The following TMEM171 variants were observed in gnomAD, a reference collection of about 807,000 sequenced individuals.
TMEM171 encodes proline-rich protein PRP2.
In TMEM171, 16 loss-of-function variants were observed where a neutral mutation model predicts 19.1. The ratio of observed to expected loss-of-function variants is 0.84; its 90% CI spans 0.57 to 1.27. The LOEUF is 1.27. Among genes scored for constraint, TMEM171 ranks in the 50% most tolerant of loss-of-function variants. The pLI, the probability that TMEM171 is intolerant of heterozygous loss-of-function variation, is 0.00. For missense variants in TMEM171, 429 were observed against 412.7 expected (o/e 1.04, Z -0.34); for synonymous variants, 153 against 163.4 (o/e 0.94, Z 0.48).
chr5:73,123,469 G>T lies in TMEM171; in HGVS notation c.96G>T (p.Leu32Phe), dbSNP rs753711238. ...IFCFFVFGAV[L>F]LCVGVLLSIF... Reference sequence around the variant, plus strand: ...GCTTCTTTGTCTTCGGCGCCGTCTTGTTGTGTGTGGGAGTCCTGCTCTCCA... The same window carrying T: ...GCTTCTTTGTCTTCGGCGCCGTCTTTTTGTGTGTGGGAGTCCTGCTCTCCA... The change falls in exon 2 of 4, where the codon TTG becomes TTT. Residue 32 changes from leucine (L) to phenylalanine (F), a missense_variant. Transcript: ENST00000454765. The T allele has an allele frequency of 6.2e-7, 1 of 1,613,190 alleles. No individual in the cohort carries two copies. The highest frequency in any genetic ancestry group is 8.5e-7 in the Non-Finnish European group (1 of 1,179,190).
At position 73,123,968 on chromosome 5, in the gene TMEM171, G is replaced by C; in HGVS notation, c.595G>C (p.Glu199Gln). 6.3e-7 allele frequency: 1 copy of C among 1,598,760 alleles called. No individual in the cohort carries two copies. The highest frequency in any genetic ancestry group is 8.5e-7 in the Non-Finnish European group (1 of 1,173,740). The change falls in exon 2 of 4, where the codon GAA becomes CAA. Residue 199 changes from glutamate to glutamine, a missense_variant. Transcript: ENST00000454765. ...TGCTGGCCAGGATGCCTCTGAGAGA[G>C]AAGAGGGACAGATCCAGATTATGGA... Reference protein sequence around the residue: ...LNAGQDASEREEGQIQIMEPV... With the variant: ...LNAGQDASERQEGQIQIMEPV...
intron 2 of TMEM171, among the ~76,000 whole-genome samples, chr5:73,127,384 A>ATATATATATATATATATATATATAT (rs1554078607): frequency 2.0e-4 from 16 of 81,672 alleles, no homozygotes; most frequent in African/African-American, 5.9e-4. Flanking sequence ...AAAAAAAAAA[A>ATATATATATATATATATATATATAT]ATATATATAT....
At position 73,125,661 on chromosome 5, in the gene TMEM171, G is replaced by A. The variant is rs145176780; in HGVS notation, c.640+1648G>A. ...GTACAAGTAAATATGTTCATCCAAC[G>A]CTGCTATGCTTTCATCTAGTTGGGA... On this transcript the variant is annotated intron_variant, in intron 2 of 3. Coordinates refer to ENST00000454765, the MANE Select transcript of TMEM171 (RefSeq NM_173490.8). Among the ~76,000 whole-genome samples the A allele has an allele frequency of 1.2e-3, 180 of 152,308 alleles. 1 individual carries two copies. Among genetic ancestry groups the A allele is most frequent in the African/African-American group, 3.9e-3 (162 of 41,566 alleles).
intron 3 of TMEM171, 36 bp from the exon 4 acceptor site, chr5:73,131,502 T>C: frequency 6.6e-7 from 1 of 1,515,384 alleles, no homozygotes. Context: ...ACTGTTTTCA[T>C]CCCCTCCCCT....
At chr5:73,128,328 T>G in intron 2 of TMEM171, 62 bp from the exon 3 acceptor site, 2 of 1,581,570 alleles carry the variant, frequency 1.3e-6, no homozygotes, top group Non-Finnish European at 1.7e-6. Flanking sequence ...TTAATTTTGC[T>G]TTTGCTAATT....
chr5:73,129,631 T>C (rs13182742), intron 3 of TMEM171, among the ~76,000 whole-genome samples: 28,344 of 151,990 alleles, frequency 0.19, 3,185 homozygotes, highest in South Asian at 0.28. Flanking sequence ...AGACTCTATC[T>C]CAGGGGGAAA....
chr5:73,121,464 G>A (rs1353494972), intron 1 of TMEM171, among the ~76,000 whole-genome samples: 1 of 152,160 alleles, frequency 6.6e-6, no homozygotes, highest in Non-Finnish European at 1.5e-5. Flanking sequence ...TCCACTGAGA[G>A]TTTTGGAATG....
At chr5:73,127,384 A>AAAAAATATATATATATATATAT in intron 2 of TMEM171, among the ~76,000 whole-genome samples, 19 of 81,662 alleles carry the variant, frequency 2.3e-4, no homozygotes, top group East Asian at 6.9e-4. Flanking sequence ...AAAAAAAAAA[A>AAAAAATATATATATATATATAT]ATATATATAT....
chr5:73,131,059 G>C (rs1172433793), intron 3 of TMEM171, among the ~76,000 whole-genome samples: 1 of 152,236 alleles, frequency 6.6e-6, no homozygotes, highest in Non-Finnish European at 1.5e-5. Flanking sequence ...GGAAGCAGCA[G>C]AGTAGATTCC....
chr5:73,131,475 A>T, intron 3 of TMEM171, 63 bp from the exon 4 acceptor site: 1 of 1,320,126 alleles, frequency 7.6e-7, no homozygotes, highest in Non-Finnish European at 1.0e-6. Flanking sequence ...AAAAGAACCT[A>T]GTACTAAAGG....
intron 1 of TMEM171, 43 bp from the exon 2 acceptor site, chr5:73,123,263 A>G: frequency 6.7e-7 from 1 of 1,497,934 alleles, no homozygotes; most frequent in Middle Eastern, 2.5e-4. Context: ...TGGTTCTGGA[A>G]CACCTGTGCC....
In TMEM171 at chr5:73,123,969, A is replaced by G. The variant is rs1160332346; in HGVS notation, c.596A>G (p.Glu199Gly). ...GCTGGCCAGGATGCCTCTGAGAGAG[A>G]AGAGGGACAGATCCAGATTATGGAG... Reference protein sequence around the residue: ...LNAGQDASEREEGQIQIMEPV... With the variant: ...LNAGQDASERGEGQIQIMEPV... The change falls in exon 2 of 4, where the codon GAA becomes GGA. Residue 199 changes from glutamate to glycine, a missense_variant. Physicochemically the swap from Glu to Gly is moderately conservative, Grantham distance 98. Coordinates refer to ENST00000454765, the MANE Select transcript of TMEM171 (RefSeq NM_173490.8). 2.5e-5 allele frequency: 40 copies of G among 1,598,092 alleles called. No homozygotes were observed. Among genetic ancestry groups the G allele is most frequent in the Non-Finnish European group, 3.4e-5 (40 of 1,173,512 alleles).
chr5:73,127,520 TCTGC>T (rs1744206148), intron 2 of TMEM171, among the ~76,000 whole-genome samples: 1 of 150,398 alleles, frequency 6.6e-6, no homozygotes. Flanking sequence ...CACCACAACC[TCTGC>T]CTCCCGGGTT....
At chr5:73,125,521 C>T (rs1201400113) in intron 2 of TMEM171, among the ~76,000 whole-genome samples, 3 of 152,182 alleles carry the variant, frequency 2.0e-5, no homozygotes, top group Non-Finnish European at 2.9e-5. Context: ...GCCCAGGGCA[C>T]GTGGGTGTGA....
At position 73,128,544 on chromosome 5, in the gene TMEM171, A is replaced by G. The variant is rs950807866; in HGVS notation, c.782+13A>G. On this transcript the variant is annotated intron_variant, in intron 3 of 3. Coordinates refer to ENST00000454765, the MANE Select transcript of TMEM171 (RefSeq NM_173490.8). ...TTTTCAACTATGGGTAAGAATTTCA[A>G]TTTGAACTTCAAGAGAGGCCTGAAT... 3 of 1,613,566 alleles carry G rather than the reference A, an allele frequency of 1.9e-6. No individual in the cohort carries two copies. The highest frequency in any genetic ancestry group is 2.2e-5 in the East Asian group (1 of 44,894).
chr5:73,128,805 A>T (rs1284091768), intron 3 of TMEM171, among the ~76,000 whole-genome samples: 1 of 152,174 alleles, frequency 6.6e-6, no homozygotes, highest in Non-Finnish European at 1.5e-5. Context: ...AATGTTTAAC[A>T]ACCCTTGCCG....
rs1339541194 is a variant in TMEM171 at position 73,131,623 on chromosome 5, G to A, written c.868G>A (p.Ala290Thr). ...TTCTGGGACGAATTCATCTTCTGAG[G>A]CCTCACACACTCCACATCTTCCATC... The part of the protein sequence containing the change: ...TISGTNSSSE[A>T]SHTPHLPSEL... The change falls in exon 4 of 4, where the codon GCC (alanine) becomes ACC (threonine). Residue 290 changes from alanine to threonine, a missense_variant. Coordinates refer to ENST00000454765, the MANE Select transcript of TMEM171 (RefSeq NM_173490.8). 6.2e-7 allele frequency: 1 copy of A among 1,613,606 alleles called. No homozygotes were observed. The highest frequency in any genetic ancestry group is 1.6e-4 in the Middle Eastern group (1 of 6,062).
At chr5:73,127,267 G>A (rs1482023044) in intron 2 of TMEM171, among the ~76,000 whole-genome samples, 1 of 150,644 alleles carries the variant, frequency 6.6e-6, no homozygotes, top group African/African-American at 2.5e-5. Context: ...TTCACAAAAA[G>A]GCTTGGTCTT....
At chr5:73,121,425 A>G (rs980491570) in intron 1 of TMEM171, among the ~76,000 whole-genome samples, 3 of 152,164 alleles carry the variant, frequency 2.0e-5, no homozygotes, top group African/African-American at 7.2e-5. Context: ...ACCAATATAT[A>G]TAGGTTTCAG....
Sources: allele counts gnomAD v4.1 joint callset (sites outside exome capture counted in the v4.1 genomes callset), GRCh38; gene constraint gnomAD v4.1.1; transcripts MANE v1.5; gene names NCBI Gene and HGNC (gene_info 2026-07-23, HGNC 2026-07-21).